The following UTP18 variants were observed in gnomAD, a reference collection of about 807,000 sequenced individuals.
The protein encoded by UTP18 is U3 small nucleolar RNA-associated protein 18 homolog.
UTP18 carries 36 observed loss-of-function variants against 61.1 expected under a neutral mutation model. That is an observed-to-expected ratio of 0.59 (90% confidence interval 0.45 to 0.78). The LOEUF is 0.78. UTP18 is among the 30% of genes least tolerant of loss of function. UTP18 has a pLI of 0.00. For missense variants in UTP18, 753 were observed against 693.9 expected, an observed-to-expected ratio of 1.09 and a Z score of -0.96; for synonymous variants, 282 against 251.1, an observed-to-expected ratio of 1.12 and a Z score of -1.16.
rs965835339 is a variant in UTP18 at position 51,260,977 on chromosome 17, G to T, written c.342+51G>T. ...TGGGCGCACTCGGGCGGGGCGCGCG[G>T]TGGGCGGTGAAGCTCCGGGGGGCGG... On this transcript the variant is annotated intron_variant, in intron 1 of 13. Transcript: ENST00000225298. 8.5e-6 allele frequency: 12 copies of T among 1,411,676 alleles called. No homozygotes were observed. The East Asian group carries it at 3.6e-4, about 43-fold the overall frequency. 87.4% of individuals were successfully genotyped at this position (1,411,676 alleles called of 1,614,324 possible).
chr17:51,269,294 CAAAAAAAAAAAAAAAAAAA>C (rs58681434), intron 4 of UTP18, among the ~76,000 whole-genome samples: 16 of 66,668 alleles, frequency 2.4e-4, no homozygotes, highest in Admixed American at 1.9e-3. Flanking sequence ...GACTCTGTCT[CAAAAAAAAAAAAAAAAAAA>C]AAAAAAAAAA....
At chr17:51,280,299 A>G in intron 8 of UTP18, 90 bp from the exon 9 acceptor site, 1 of 1,450,790 alleles carries the variant, frequency 6.9e-7, no homozygotes, top group Non-Finnish European at 9.4e-7. Flanking sequence ...TAGGTGCTAG[A>G]AAATAGAGAA....
intron 9 of UTP18, 98 bp from the exon 10 acceptor site, chr17:51,285,147 G>A (rs779661617): frequency 2.1e-4 from 267 of 1,302,042 alleles, no homozygotes; most frequent in Non-Finnish European, 2.7e-4. Flanking sequence ...TGTATTTGTA[G>A]TCTCCTGTAC....
chr17:51,260,898 C>T lies in UTP18; in HGVS notation c.314C>T (p.Ala105Val), dbSNP rs1456909767. 1.9e-6 allele frequency: 3 copies of T among 1,595,374 alleles called. No individual in the cohort carries two copies. Among genetic ancestry groups the T allele is most frequent in the Admixed American group, 1.7e-5 (1 of 58,048 alleles). ...GGCGACGTCGAGAACGACGAGGACG[C>T]GTTGCTGCGGCGTCTGCGAGGCCCG... ...VFGDVENDED[A>V]LLRRLRGPRV... Residue 105 changes from alanine (A) to valine (V), a missense_variant, in exon 1 of 14, where the codon GCG becomes GTG. Coordinates refer to ENST00000225298, the MANE Select transcript of UTP18 (RefSeq NM_016001.3).
intron 11 of UTP18, chr17:51,288,512 C>A (rs1236815639): frequency 2.1e-6 from 1 of 469,460 alleles, no homozygotes; most frequent in Non-Finnish European, 4.2e-6. Context: ...ACACTTCATT[C>A]CTTCACAATT....
At chr17:51,273,796 C>T (rs1904622853) in intron 5 of UTP18, among the ~76,000 whole-genome samples, 1 of 132,578 alleles carries the variant, frequency 7.5e-6, no homozygotes, top group Non-Finnish European at 1.7e-5. Context: ...TCTAGGAATC[C>T]CGTTTGGTTT....
intron 11 of UTP18, among the ~76,000 whole-genome samples, chr17:51,291,751 AAAG>A (rs1000607304): frequency 2.7e-5 from 4 of 150,398 alleles, no homozygotes; most frequent in African/African-American, 7.3e-5. Flanking sequence ...AAAAAAAAAA[AAAG>A]AAAAGAAAAG....
At chr17:51,288,830 G>T (rs1223840211) in intron 11 of UTP18, among the ~76,000 whole-genome samples, 1 of 152,124 alleles carries the variant, frequency 6.6e-6, no homozygotes. Context: ...AGTAAAGTCC[G>T]GAGGAAACCT....
intron 3 of UTP18, among the ~76,000 whole-genome samples, chr17:51,268,543 T>C (rs1303000577): frequency 6.6e-6 from 1 of 152,240 alleles, no homozygotes; most frequent in African/African-American, 2.4e-5. Context: ...ATCTGGGATG[T>C]GTTGATATGA....
chr17:51,270,073 C>G (rs923844049), intron 4 of UTP18, among the ~76,000 whole-genome samples: 2 of 152,168 alleles, frequency 1.3e-5, no homozygotes, highest in Admixed American at 6.5e-5. Flanking sequence ...CCAGGCTGGT[C>G]TTGAACTCTT....
chr17:51,285,043 A>C (rs751666487), intron 9 of UTP18, among the ~76,000 whole-genome samples: 1 of 151,972 alleles, frequency 6.6e-6, no homozygotes, highest in Non-Finnish European at 1.5e-5. Context: ...CCTGGGCGAC[A>C]AGAGAAAAAC....
chr17:51,297,014 C>G lies in UTP18; in HGVS notation c.*14+11C>G, dbSNP rs767111503. Reference sequence around the variant, plus strand: ...AAGAGACTATTTGAAGTAAGAAAACCCTTTTCTTACAAATTCTGCAGGTTT... The same window carrying G: ...AAGAGACTATTTGAAGTAAGAAAACGCTTTTCTTACAAATTCTGCAGGTTT... On this transcript the variant is annotated intron_variant, in intron 13 of 13. Transcript: ENST00000225298. 21 of 1,599,452 alleles carry G rather than the reference C, an allele frequency of 1.3e-5. No homozygotes were observed. Among genetic ancestry groups the G allele is most frequent in the Admixed American group, 1.2e-4 (7 of 58,098 alleles).
At chr17:51,280,310 C>T (rs1192675777) in intron 8 of UTP18, 79 bp from the exon 9 acceptor site, 1 of 1,486,854 alleles carries the variant, frequency 6.7e-7, no homozygotes, top group South Asian at 1.2e-5. Context: ...AAATAGAGAA[C>T]TAGGTTGTTT....
intron 2 of UTP18, among the ~76,000 whole-genome samples, chr17:51,264,973 A>C (rs1163571529): frequency 6.6e-6 from 1 of 151,990 alleles, no homozygotes; most frequent in East Asian, 1.9e-4. Flanking sequence ...ATGAGCAACC[A>C]CACCTGGCCT....
chr17:51,260,987 A>AAGCTCCGGGGGGCGGAGC, intron 1 of UTP18, 61 bp downstream of exon 1: 2 of 1,376,100 alleles, frequency 1.5e-6, no homozygotes, highest in Non-Finnish European at 1.9e-6. Context: ...GTGGGCGGTG[A>AAGCTCCGGGGGGCGGAGC]AGCTCCGGGG....
At chr17:51,267,343 T>C (rs1325047711) in intron 3 of UTP18, among the ~76,000 whole-genome samples, 1 of 152,230 alleles carries the variant, frequency 6.6e-6, no homozygotes, top group Non-Finnish European at 1.5e-5. Context: ...CTGTTTTTTA[T>C]TGAGGTGAAA....
At chr17:51,267,863 T>G (rs1302828918) in intron 3 of UTP18, among the ~76,000 whole-genome samples, 2 of 152,124 alleles carry the variant, frequency 1.3e-5, no homozygotes, top group African/African-American at 4.8e-5. Context: ...CCGAAAAAAT[T>G]TGTTTCATAT....
chr17:51,288,088 C>T lies in UTP18; in HGVS notation c.1388C>T (p.Pro463Leu), dbSNP rs775248460. The T allele has an allele frequency of 6.2e-7, 1 of 1,609,484 alleles. No individual in the cohort carries two copies. The highest frequency in any genetic ancestry group is 8.5e-7 in the Non-Finnish European group (1 of 1,178,652). ...NQDSCLQETN[P>L]KPIKAIMNLV... ...GATTCTTGTCTCCAAGAAACAAACC[C>T]AAAGCCAATAAAAGCTATAATGAAC... The change falls in exon 11 of 14, where the codon CCA (proline) becomes CTA (leucine). Residue 463 changes from proline (P) to leucine (L), a missense_variant. Pro to Leu is a moderately conservative substitution (Grantham distance 98). Coordinates refer to ENST00000225298, the MANE Select transcript of UTP18 (RefSeq NM_016001.3).
At chr17:51,291,132 G>A (rs531255092) in intron 11 of UTP18, among the ~76,000 whole-genome samples, 5 of 152,312 alleles carry the variant, frequency 3.3e-5, no homozygotes, top group African/African-American at 1.2e-4. Context: ...GGTGGCTCAC[G>A]CCTGTAATCC....
Sources: gnomAD v4.1 joint callset for allele counts (sites outside exome capture counted in the v4.1 genomes callset) on GRCh38, gnomAD v4.1.1 for gene constraint, MANE v1.5 for transcripts, NCBI Gene and HGNC (gene_info 2026-07-23, HGNC 2026-07-21) for gene names.